FEZ2: variants seen among roughly 807,000 people sequenced by gnomAD.
FEZ2 encodes the protein fasciculation and elongation protein zeta-2.
FEZ2 carries 51 observed loss-of-function variants against 40.4 expected under a neutral mutation model. That is an observed-to-expected ratio of 1.26 (90% CI 1.01 to 1.59). The LOEUF (loss-of-function observed/expected upper bound fraction) is 1.59. Among genes scored for constraint, FEZ2 ranks in the 40% most tolerant of loss-of-function variants. The pLI is 0.00. For missense variants in FEZ2, 640 were observed against 438.3 expected, an observed-to-expected ratio of 1.46 and a Z score of -4.11; for synonymous variants, 242 against 172.0, an observed-to-expected ratio of 1.41 and a Z score of -3.18.
chr2:36,555,711 C>T lies in FEZ2; in HGVS notation c.1017G>A (p.Pro339=), dbSNP rs1300797546. 4 of 1,597,682 alleles carry T rather than the reference C, an allele frequency of 2.5e-6. No homozygotes were observed. The highest frequency in any genetic ancestry group is 2.7e-5 in the African/African-American group (2 of 74,108). Residue 339 remains proline (P), a synonymous_variant, in exon 7 of 8, where the codon CCG becomes CCA. Transcript: ENST00000405912. Reference sequence around the variant, plus strand: ...TCAGAATATAATCAGTTAACAAGCTCGGAACTTTTTCACTGTCCTCCTTCA... The same window carrying T: ...TCAGAATATAATCAGTTAACAAGCTTGGAACTTTTTCACTGTCCTCCTTCA... ...RAMKEDSEKV[P]SLLTDYILKV...
chr2:36,589,713 T>G (rs139511286), intron 2 of FEZ2: 1 of 152,224 alleles, frequency 6.6e-6, no homozygotes, highest in Non-Finnish European at 1.5e-5. Flanking sequence ...AAGATTTCCA[T>G]AGCTACTGAA....
chr2:36,597,446 A>T (rs536261904), intron 1 of FEZ2, among the ~76,000 whole-genome samples: 39 of 152,306 alleles, frequency 2.6e-4, no homozygotes, highest in Non-Finnish European at 5.0e-4. Context: ...CCTAAGTGGG[A>T]GGGACAGTGC....
At chr2:36,558,674 T>A in intron 5 of FEZ2, 161 bp from the exon 6 acceptor site, 1 of 417,228 alleles carries the variant, frequency 2.4e-6, no homozygotes, top group Non-Finnish European at 4.2e-6. Context: ...TCTTACTATC[T>A]CAGATGGAGC....
intron 7 of FEZ2, among the ~76,000 whole-genome samples, chr2:36,554,832 TC>T (rs1280746041): frequency 6.6e-6 from 1 of 152,172 alleles, no homozygotes; most frequent in Non-Finnish European, 1.5e-5. Context: ...ATCTTCATCT[TC>T]CTTGTGCTCA....
At chr2:36,570,015 A>G (rs1447590924) in intron 5 of FEZ2, among the ~76,000 whole-genome samples, 1 of 152,188 alleles carries the variant, frequency 6.6e-6, no homozygotes, top group African/African-American at 2.4e-5. Flanking sequence ...CTTGAATATG[A>G]TTTTCAAACA....
At chr2:36,559,208 G>C (rs1668030135) in intron 5 of FEZ2, 1 of 152,192 alleles carries the variant, frequency 6.6e-6, no homozygotes, top group Admixed American at 6.5e-5. Flanking sequence ...AAACTTCCTA[G>C]TTCACTACTT....
intron 5 of FEZ2, among the ~76,000 whole-genome samples, chr2:36,568,014 A>T (rs754336931): frequency 6.6e-6 from 1 of 152,222 alleles, no homozygotes; most frequent in African/African-American, 2.4e-5. Flanking sequence ...CAGGTTAAAT[A>T]TACTTTTTAG....
intron 4 of FEZ2, 30 bp from the exon 5 acceptor site, chr2:36,578,895 T>A: frequency 6.3e-7 from 1 of 1,582,188 alleles, no homozygotes; most frequent in Admixed American, 1.9e-5. Context: ...ACAGCAGATA[T>A]TAAGACAAAA....
At chr2:36,569,408 G>C (rs1478800606) in intron 5 of FEZ2, among the ~76,000 whole-genome samples, 3 of 152,066 alleles carry the variant, frequency 2.0e-5, no homozygotes, top group African/African-American at 7.3e-5. Context: ...ATAGTTCCTA[G>C]CTGATAGGAC....
intron 5 of FEZ2, among the ~76,000 whole-genome samples, chr2:36,570,790 A>G (rs1668386049): frequency 1.3e-5 from 2 of 152,246 alleles, no homozygotes; most frequent in South Asian, 2.1e-4. Context: ...ATAGATAAAC[A>G]TAGAAAAAGT....
chr2:36,596,527 G>A (rs1248083277), intron 1 of FEZ2, among the ~76,000 whole-genome samples: 1 of 152,204 alleles, frequency 6.6e-6, no homozygotes, highest in Non-Finnish European at 1.5e-5. Context: ...TGCGATGATG[G>A]CTCACTGCAA....
chr2:36,575,554 T>C (rs1668544737), intron 5 of FEZ2, among the ~76,000 whole-genome samples: 1 of 152,212 alleles, frequency 6.6e-6, no homozygotes, highest in South Asian at 2.1e-4. Context: ...TGAATATTGT[T>C]TCATCTTACC....
chr2:36,595,546 C>A (rs562169079), intron 1 of FEZ2, among the ~76,000 whole-genome samples: 1 of 151,770 alleles, frequency 6.6e-6, no homozygotes, highest in Admixed American at 6.5e-5. Flanking sequence ...TGAGGCTTTG[C>A]TCACTCACTC....
At chr2:36,589,939 T>G (rs1219591919) in intron 2 of FEZ2, 1 of 152,248 alleles carries the variant, frequency 6.6e-6, no homozygotes, top group Admixed American at 6.5e-5. Flanking sequence ...ACATTATTAT[T>G]TGATAAGGAA....
At chr2:36,595,209 T>C (rs1669181008) in intron 1 of FEZ2, among the ~76,000 whole-genome samples, 1 of 152,066 alleles carries the variant, frequency 6.6e-6, no homozygotes, top group Non-Finnish European at 1.5e-5. Context: ...TTTGGGGTGA[T>C]TCAAGCACAT....
chr2:36,596,516 G>T (rs956581373), intron 1 of FEZ2, among the ~76,000 whole-genome samples: 1 of 152,188 alleles, frequency 6.6e-6, no homozygotes, highest in East Asian at 1.9e-4. Flanking sequence ...GAGTGCAGTT[G>T]TGCGATGATG....
chr2:36,575,303 G>C (rs773465155), intron 5 of FEZ2, among the ~76,000 whole-genome samples: 13 of 152,140 alleles, frequency 8.5e-5, no homozygotes, highest in Admixed American at 3.9e-4. Context: ...TCTCGCCTCA[G>C]ACTCCCAAGT....
intron 5 of FEZ2, among the ~76,000 whole-genome samples, chr2:36,573,869 G>A (rs1277962053): frequency 2.0e-5 from 3 of 152,196 alleles, no homozygotes; most frequent in Non-Finnish European, 4.4e-5. Flanking sequence ...CGGGAGGTGT[G>A]GGAAAATGGT....
At chr2:36,579,112 A>G in intron 4 of FEZ2, 2 of 434,250 alleles carry the variant, frequency 4.6e-6, no homozygotes, top group Middle Eastern at 1.2e-3. Context: ...AAGAAAGTCT[A>G]ACAAAAGTTT....
Sources: allele counts gnomAD v4.1 joint callset (sites outside exome capture counted in the v4.1 genomes callset), GRCh38; gene constraint gnomAD v4.1.1; transcripts MANE v1.5; gene names NCBI Gene and HGNC (gene_info 2026-07-23, HGNC 2026-07-21).